Variants in DDHD2 observed in about 807,000 individuals in gnomAD.
DDHD2 encodes DDHD domain containing 2, also known as triacylglycerol hydrolase DDHD2.
In DDHD2, 62 loss-of-function variants were observed where a neutral mutation model predicts 91.2. That is an observed-to-expected ratio of 0.68 (90% confidence interval 0.55 to 0.84). The LOEUF is 0.84. Ranked by LOEUF, DDHD2 falls within the 40% of genes least tolerant of loss-of-function variation. DDHD2 has a pLI of 0.00. For synonymous variants in DDHD2, 271 were observed against 293.9 expected (o/e 0.92, Z 0.80); for missense variants, 740 against 846.9 (o/e 0.87, Z 1.57).
At chr8:38,264,979 T>C (rs1807356146), downstream of DDHD2, 2 of 1,524,510 alleles carry the variant, frequency 1.3e-6, no homozygotes, top group Non-Finnish European at 1.8e-6. Context: ...ATTTTAAGAG[T>C]TGCTTCTCGC....
downstream of DDHD2, chr8:38,273,476 C>T: frequency 6.6e-6 from 1 of 151,962 alleles, no homozygotes; most frequent in East Asian, 1.9e-4. Flanking sequence ...CCCTGGCTTA[C>T]CATAGAAAAG....
chr8:38,241,016 A>T (rs1055367421), intron 6 of DDHD2, among the ~76,000 whole-genome samples: 3 of 150,394 alleles, frequency 2.0e-5, no homozygotes, highest in Non-Finnish European at 4.4e-5. Flanking sequence ...GGTTGCAGTG[A>T]GCCGAGATCG....
At chr8:38,241,980 T>G (rs1394611359) in intron 6 of DDHD2, 2 of 300,736 alleles carry the variant, frequency 6.7e-6, no homozygotes, top group East Asian at 1.7e-4. Context: ...CTTAAACCAG[T>G]GAGGTGGAGG....
chr8:38,263,999 G>T, downstream of DDHD2: 1 of 986,096 alleles, frequency 1.0e-6, no homozygotes. Flanking sequence ...GATGAGCAGG[G>T]GCAAAAGTGT....
At position 38,238,455 on chromosome 8, in the gene DDHD2, C is replaced by CA. The variant is rs2130774414; in HGVS notation, c.622+247dup. The CA allele has an allele frequency of 4.9e-6, 6 of 1,213,526 alleles. No individual in the cohort carries two copies. The South Asian group carries it at 1.1e-4, about 22-fold the overall frequency. The allele number at this position is 1,213,526 out of a possible 1,614,324, so 75.2% of individuals were successfully genotyped here. A position where few individuals can be genotyped will look rare whatever the true frequency, so the allele number is the denominator to read the frequency against. On this transcript the variant is annotated intron_variant, in intron 5 of 17. Transcript: ENST00000397166. The stretch of plus-strand genomic sequence containing the variant: ...ATACTATCCAGGAAGTCACTAAGTA[C>CA]AGATGAACTGATTTAGTCCTAATTC...
chr8:38,263,338 A>C (rs988567298), downstream of DDHD2: 5 of 972,744 alleles, frequency 5.1e-6, no homozygotes, highest in African/African-American at 7.0e-5. Flanking sequence ...TCTGTCCTTC[A>C]GATGACGATA....
At chr8:38,254,548 T>G (rs1806360460) in intron 16 of DDHD2, among the ~76,000 whole-genome samples, 1 of 151,964 alleles carries the variant, frequency 6.6e-6, no homozygotes, top group Non-Finnish European at 1.5e-5. Flanking sequence ...GCCCAGCTAA[T>G]TTTTGTACAG....
chr8:38,241,231 AT>A (rs200441143), intron 6 of DDHD2, among the ~76,000 whole-genome samples: 2 of 151,162 alleles, frequency 1.3e-5, no homozygotes, highest in Admixed American at 6.6e-5. Flanking sequence ...ACAACAGTGT[AT>A]TTTTTTTTCT....
intron 1 of DDHD2, chr8:38,268,301 T>A: frequency 7.3e-7 from 1 of 1,376,424 alleles, no homozygotes; most frequent in Non-Finnish European, 1.0e-6. Context: ...AGGCTCACCG[T>A]GGCTGAATCC....
downstream of DDHD2, chr8:38,265,095 GTC>G (rs1448516908): frequency 3.5e-5 from 22 of 633,364 alleles, no homozygotes; most frequent in East Asian, 5.6e-4. Flanking sequence ...GTGAAACCCT[GTC>G]TCTACTAAAA....
chr8:38,271,505 A>C (rs1270600265), downstream of DDHD2: 2 of 152,134 alleles, frequency 1.3e-5, no homozygotes, highest in Non-Finnish European at 2.9e-5. Flanking sequence ...CCAACTTTTC[A>C]GTATTTGTTA....
chr8:38,268,850 G>C, intron 1 of DDHD2: 3 of 1,522,528 alleles, frequency 2.0e-6, no homozygotes, highest in Non-Finnish European at 2.6e-6. Flanking sequence ...CGGGTCATGG[G>C]GAGGGAGGAA....
intron 5 of DDHD2, chr8:38,239,007 A>T (rs1214662311): frequency 6.6e-6 from 1 of 152,242 alleles, no homozygotes; most frequent in African/African-American, 2.4e-5. Context: ...GAATCTCTGT[A>T]AAAAGTATGT....
intron 3 of DDHD2, among the ~76,000 whole-genome samples, chr8:38,237,336 A>T (rs1399866323): frequency 6.6e-6 from 1 of 152,154 alleles, no homozygotes; most frequent in African/African-American, 2.4e-5. Context: ...AGATTGTGCC[A>T]CTGCAACCCA....
At chr8:38,240,206 T>G in intron 5 of DDHD2, 69 bp from the exon 6 acceptor site, 2 of 882,828 alleles carry the variant, frequency 2.3e-6, no homozygotes, top group Non-Finnish European at 3.5e-6. Context: ...TATAACCTTT[T>G]CATGATGAAT....
chr8:38,265,903 G>A (rs893449764), downstream of DDHD2, among the ~76,000 whole-genome samples: 1 of 152,208 alleles, frequency 6.6e-6, no homozygotes, highest in Admixed American at 6.5e-5. Context: ...TGTAGATGCA[G>A]TTTAACTTGA....
At chr8:38,253,511 A>G (rs1237314545) in intron 15 of DDHD2, 45 bp from the exon 16 acceptor site, 2 of 1,569,898 alleles carry the variant, frequency 1.3e-6, no homozygotes, top group Admixed American at 3.7e-5. Context: ...ATAACCCTGA[A>G]GGCCAAAAGG....
chr8:38,254,833 A>G (rs1299034013), intron 16 of DDHD2, among the ~76,000 whole-genome samples: 3 of 152,092 alleles, frequency 2.0e-5, no homozygotes, highest in Non-Finnish European at 4.4e-5. Context: ...GGCTGCAGTG[A>G]GCCATGATGG....
downstream of DDHD2, chr8:38,263,439 A>G (rs1246799332): frequency 5.1e-6 from 5 of 985,432 alleles, no homozygotes; most frequent in East Asian, 4.5e-4. Context: ...AGAAGCTCAC[A>G]AGTACAGTTA....
Sources: gnomAD v4.1 joint callset for allele counts (sites outside exome capture counted in the v4.1 genomes callset) on GRCh38, gnomAD v4.1.1 for gene constraint, MANE v1.5 for transcripts, NCBI Gene and HGNC (gene_info 2026-07-23, HGNC 2026-07-21) for gene names.